CCDC102B: variants seen among roughly 807,000 people sequenced by gnomAD.
CCDC102B encodes the protein coiled-coil domain-containing protein 102B.
A neutral mutation model predicts 57.4 loss-of-function variants in CCDC102B; 75 were observed. The ratio of observed to expected loss-of-function variants is 1.31; its 90% CI spans 1.08 to 1.58. The LOEUF (loss-of-function observed/expected upper bound fraction) is 1.58, where lower values mean the gene tolerates loss of function less well. CCDC102B is among the 40% of genes most tolerant of loss of function. The pLI, the probability that CCDC102B is intolerant of heterozygous loss-of-function variation, is 0.00. For missense variants in CCDC102B, 636 were observed against 582.6 expected, an observed-to-expected ratio of 1.09 and a Z score of -0.94; for synonymous variants, 206 against 201.9, an observed-to-expected ratio of 1.02 and a Z score of -0.17.
chr18:68,792,357 G>A (rs960871367), intron 2 of CCDC102B, among the ~76,000 whole-genome samples: 2 of 152,104 alleles, frequency 1.3e-5, no homozygotes, highest in African/African-American at 4.8e-5. Context: ...CCTAAGTAGT[G>A]GATGCCAAAA....
At chr18:68,797,261 A>G (rs1351980474), upstream of CCDC102B, among the ~76,000 whole-genome samples, 1 of 152,164 alleles carries the variant, frequency 6.6e-6, no homozygotes, top group Non-Finnish European at 1.5e-5. Flanking sequence ...GAAAAATAAA[A>G]TAATTTGAAG....
intron 1 of CCDC102B, among the ~76,000 whole-genome samples, chr18:68,814,413 G>A (rs182472192): frequency 6.6e-6 from 1 of 152,202 alleles, no homozygotes; most frequent in East Asian, 1.9e-4. Context: ...GAAACAATAT[G>A]AATAGAGTTG....
At chr18:68,899,466 T>C (rs1407344872) in intron 6 of CCDC102B, among the ~76,000 whole-genome samples, 1 of 152,038 alleles carries the variant, frequency 6.6e-6, no homozygotes, top group East Asian at 1.9e-4. Flanking sequence ...ATGAGTACCA[T>C]GTCTATATAT....
intron 4 of CCDC102B, among the ~76,000 whole-genome samples, chr18:68,855,382 A>T (rs911756207): frequency 1.3e-5 from 2 of 152,196 alleles, no homozygotes; most frequent in South Asian, 4.1e-4. Context: ...ACTCTCTAAG[A>T]TTTAAAATTT....
intron 7 of CCDC102B, among the ~76,000 whole-genome samples, chr18:69,023,712 C>T (rs2051910175): frequency 6.6e-6 from 1 of 151,900 alleles, no homozygotes; most frequent in African/African-American, 2.4e-5. Context: ...ACCAATGCCA[C>T]TGTTGCAATA....
intron 2 of CCDC102B, among the ~76,000 whole-genome samples, chr18:68,785,249 C>T (rs1391649536): frequency 6.6e-6 from 1 of 151,902 alleles, no homozygotes; most frequent in Non-Finnish European, 1.5e-5. Flanking sequence ...TGGGTTGGTT[C>T]CAAGTCTTTG....
At chr18:68,837,748 G>T (rs530345546) in intron 2 of CCDC102B, among the ~76,000 whole-genome samples, 1 of 151,996 alleles carries the variant, frequency 6.6e-6, no homozygotes, top group Non-Finnish European at 1.5e-5. Context: ...CTCCCTAAAG[G>T]CCCTGTCTCC....
chr18:69,002,053 C>T (rs2051217127), intron 6 of CCDC102B, among the ~76,000 whole-genome samples: 1 of 152,150 alleles, frequency 6.6e-6, no homozygotes, highest in Non-Finnish European at 1.5e-5. Context: ...TGTGACACAA[C>T]TTTAGCCATT....
At chr18:68,833,729 C>A in intron 1 of CCDC102B, among the ~76,000 whole-genome samples, 1 of 152,094 alleles carries the variant, frequency 6.6e-6, no homozygotes, top group South Asian at 2.1e-4. Context: ...ACATTAAGTT[C>A]TTCTTTGGCA....
intron 6 of CCDC102B, among the ~76,000 whole-genome samples, chr18:68,944,722 A>G (rs113588861): frequency 0.012 from 1,756 of 152,206 alleles, 24 homozygotes; most frequent in South Asian, 0.022. Context: ...ACATGAGATC[A>G]GTATTCACAC....
chr18:69,057,904 T>C (rs2052842324), downstream of CCDC102B, among the ~76,000 whole-genome samples: 1 of 151,994 alleles, frequency 6.6e-6, no homozygotes, highest in African/African-American at 2.4e-5. Flanking sequence ...GGGTAAGGTG[T>C]GTATTGCTGA....
At chr18:68,966,714 C>G (rs959381570) in intron 6 of CCDC102B, among the ~76,000 whole-genome samples, 3 of 152,060 alleles carry the variant, frequency 2.0e-5, no homozygotes, top group African/African-American at 4.8e-5. Context: ...CCCCAATATT[C>G]TGATTAAGCC....
chr18:68,743,254 A>AATAG (rs2033475911), intron 2 of CCDC102B, among the ~76,000 whole-genome samples: 1 of 139,432 alleles, frequency 7.2e-6, no homozygotes, highest in African/African-American at 2.6e-5. Flanking sequence ...TAAATAAATA[A>AATAG]AAAATTAGAC....
At chr18:68,838,378 GA>G (rs1222834320) in intron 2 of CCDC102B, 1 of 977,768 alleles carries the variant, frequency 1.0e-6, no homozygotes, top group Non-Finnish European at 1.2e-6. Flanking sequence ...CTTGAAAGAG[GA>G]ATTCATCAAC....
intron 6 of CCDC102B, among the ~76,000 whole-genome samples, chr18:69,009,968 G>A (rs1412614485): frequency 2.2e-5 from 1 of 45,092 alleles, no homozygotes; most frequent in East Asian, 7.9e-4. Flanking sequence ...GCCTTGCTCT[G>A]TCGCCCGGGC....
At chr18:69,022,696 A>G (rs1323858344) in intron 7 of CCDC102B, among the ~76,000 whole-genome samples, 1 of 152,026 alleles carries the variant, frequency 6.6e-6, no homozygotes, top group East Asian at 1.9e-4. Context: ...CCCCACTCCC[A>G]TGACCTTCTG....
intron 6 of CCDC102B, among the ~76,000 whole-genome samples, chr18:68,981,530 C>T (rs558990477): frequency 4.1e-4 from 62 of 152,076 alleles, no homozygotes; most frequent in African/African-American, 1.5e-3. Flanking sequence ...AAGCCATTGA[C>T]TCCTTAAAAG....
chr18:68,975,440 G>T (rs1030515667), intron 6 of CCDC102B, among the ~76,000 whole-genome samples: 2 of 151,992 alleles, frequency 1.3e-5, no homozygotes, highest in Non-Finnish European at 2.9e-5. Flanking sequence ...GCTGGTACAA[G>T]CTATAAAAAT....
chr18:69,021,825 C>A lies in CCDC102B; in HGVS notation c.1434+10721C>A, dbSNP rs180913223. Among the ~76,000 whole-genome samples, 727 of 152,304 alleles carry A rather than the reference C, an allele frequency of 4.8e-3. 4 individuals carry two copies. Among genetic ancestry groups the A allele is most frequent in the Non-Finnish European group, 8.1e-3 (551 of 68,020 alleles). ...AAGACATCATAGACAAAAGTGAACA[C>A]ATGTCCAGCAACCCAGTTGCAATTT... On this transcript the variant is annotated intron_variant, in intron 7 of 7. Transcript: ENST00000360242.
Sources: allele counts gnomAD v4.1 joint callset (sites outside exome capture counted in the v4.1 genomes callset), GRCh38; gene constraint gnomAD v4.1.1; transcripts MANE v1.5; gene names NCBI Gene and HGNC (gene_info 2026-07-23, HGNC 2026-07-21).